Variants in ABCG8 observed in about 807,000 individuals in gnomAD.
ABCG8 encodes the protein ATP-binding cassette sub-family G member 8.
A neutral mutation model predicts 71.3 loss-of-function variants in ABCG8; 81 were observed. The ratio of observed to expected loss-of-function variants is 1.14; its 90% CI spans 0.95 to 1.37. The LOEUF (loss-of-function observed/expected upper bound fraction) is 1.37. Ranked by LOEUF, ABCG8 falls within the 40% of genes most tolerant of loss-of-function variation. ABCG8 has a pLI of 0.00. For missense variants in ABCG8, 1,119 were observed against 866.2 expected, an observed-to-expected ratio of 1.29 and a Z score of -3.66; for synonymous variants, 451 against 354.7, an observed-to-expected ratio of 1.27 and a Z score of -3.05.
intron 1 of ABCG8, among the ~76,000 whole-genome samples, chr2:43,840,463 G>A (rs1668543320): frequency 6.6e-6 from 1 of 152,274 alleles, no homozygotes; most frequent in South Asian, 2.1e-4. Flanking sequence ...ATGCACGCAG[G>A]CCCTGCCATT....
At chr2:43,864,638 A>G (rs1461917960) in intron 6 of ABCG8, among the ~76,000 whole-genome samples, 4 of 151,892 alleles carry the variant, frequency 2.6e-5, no homozygotes, top group African/African-American at 9.6e-5. Context: ...CTATGTGGAT[A>G]GAGCTCTCAC....
intron 3 of ABCG8, chr2:43,847,185 G>A (rs1668771304): frequency 6.6e-6 from 1 of 152,158 alleles, no homozygotes; most frequent in Admixed American, 6.5e-5. Context: ...GCTGGAGAGA[G>A]CATTTTATAT....
At chr2:43,873,717 T>G in intron 8 of ABCG8, 70 bp from the exon 9 acceptor site, 1 of 1,510,328 alleles carries the variant, frequency 6.6e-7, no homozygotes, top group Non-Finnish European at 9.2e-7. Context: ...TTATGGAGAC[T>G]GTGACATTCC....
chr2:43,864,688 C>T (rs1222159288), intron 6 of ABCG8, among the ~76,000 whole-genome samples: 1 of 151,870 alleles, frequency 6.6e-6, no homozygotes, highest in Non-Finnish European at 1.5e-5. Flanking sequence ...AGAACTCTCA[C>T]TATCTATCTG....
chr2:43,851,316 C>A (rs1004278165), intron 3 of ABCG8, among the ~76,000 whole-genome samples: 6 of 152,224 alleles, frequency 3.9e-5, no homozygotes, highest in Admixed American at 3.3e-4. Context: ...TGTCAGGCCA[C>A]CACTGGCTGG....
chr2:43,855,362 A>ATT, intron 6 of ABCG8, among the ~76,000 whole-genome samples: 1 of 152,076 alleles, frequency 6.6e-6, no homozygotes, highest in South Asian at 2.1e-4. Flanking sequence ...CACTCTCTGG[A>ATT]TAGATCTCTT....
At chr2:43,840,925 A>T (rs1415118020) in intron 1 of ABCG8, among the ~76,000 whole-genome samples, 2 of 152,116 alleles carry the variant, frequency 1.3e-5, no homozygotes, top group African/African-American at 4.8e-5. Context: ...AGGTGTACAG[A>T]CCCTGGGGAT....
Position 43,872,116 on chromosome 2 carries a change from G to A in ABCG8, c.1105G>A (p.Asp369Asn). 6.2e-7 allele frequency: 1 copy of A among 1,614,126 alleles called. No individual in the cohort carries two copies. Residue 369 changes from aspartate to asparagine, a missense_variant, in exon 7 of 13, where the codon GAC (aspartate) becomes AAC (asparagine). Transcript: ENST00000272286. ...FLWKAETKDL[D>N]EDTCVESSVT... ...ATGGAAAGCAGAGACGAAGGATCTT[G>A]ACGAGGACACCTGTGTGGAAAGGTA...
rs1019513489 is a variant in ABCG8 at position 43,875,112 on chromosome 2, G to C, written c.1489-34G>C. On this transcript the variant is annotated intron_variant, in intron 10 of 12. Coordinates refer to ENST00000272286, the MANE Select transcript of ABCG8 (RefSeq NM_022437.3). Reference sequence around the variant, plus strand: ...TTATAATAATGGCAGTGAAGGTGCTGGCTTCATATCCTTGCAAGGGCTGTT... The same window carrying C: ...TTATAATAATGGCAGTGAAGGTGCTCGCTTCATATCCTTGCAAGGGCTGTT... 4.3e-6 allele frequency: 7 copies of C among 1,613,928 alleles called. No homozygotes were observed. In the Admixed American group the frequency reaches 1.0e-4, roughly 23 times the overall value.
At chr2:43,867,545 C>T (rs1669573622) in intron 6 of ABCG8, among the ~76,000 whole-genome samples, 1 of 151,544 alleles carries the variant, frequency 6.6e-6, no homozygotes, top group Non-Finnish European at 1.5e-5. Flanking sequence ...CTGCATGGAA[C>T]TCTCACTATC....
intron 1 of ABCG8, among the ~76,000 whole-genome samples, chr2:43,841,530 C>T (rs773290873): frequency 8.5e-5 from 13 of 152,272 alleles, no homozygotes; most frequent in Middle Eastern, 3.4e-3. Flanking sequence ...GAACAGAGGT[C>T]GTCCCCAACC....
In ABCG8 at chr2:43,877,830, G is replaced by C. The variant is rs1286838316; in HGVS notation, c.1939G>C (p.Val647Leu). Reference protein sequence around the residue: ...SYPLYAIYLIVIGLSGGFMVL... With the variant: ...SYPLYAIYLILIGLSGGFMVL... ...CCCTCTCTACGCCATCTACCTCATC[G>C]TCATTGGCCTCAGCGGTGGCTTCAT... Residue 647 changes from valine (V) to leucine (L), a missense_variant, in exon 13 of 13, where the codon GTC (valine) becomes CTC (leucine). By Grantham distance (32) the Val-to-Leu change is conservative. Transcript: ENST00000272286. 5 of 1,613,986 alleles carry C rather than the reference G, an allele frequency of 3.1e-6. No homozygotes were observed. The highest frequency in any genetic ancestry group is 1.3e-5 in the African/African-American group (1 of 74,872).
intron 6 of ABCG8, among the ~76,000 whole-genome samples, chr2:43,861,321 ACTAT>A (rs1264213128): frequency 6.6e-6 from 1 of 151,142 alleles, no homozygotes; most frequent in Non-Finnish European, 1.5e-5. Context: ...TAGAATTCTC[ACTAT>A]CTATCTGGAT....
chr2:43,865,652 A>T (rs950929955), intron 6 of ABCG8, among the ~76,000 whole-genome samples: 4 of 147,012 alleles, frequency 2.7e-5, no homozygotes, highest in Non-Finnish European at 1.5e-5. Context: ...TAGAACTCTC[A>T]CTCTCTCTCT....
chr2:43,851,621 C>A lies in ABCG8; in HGVS notation c.360C>A (p.Gly120=). 1 of 1,614,220 alleles carries A rather than the reference C, an allele frequency of 6.2e-7. No homozygotes were observed. Among genetic ancestry groups the A allele is most frequent in the East Asian group, 2.2e-5 (1 of 44,880 alleles). Residue 120 remains glycine (G), a synonymous_variant, in exon 4 of 13, where the codon GGC becomes GGA. Transcript: ENST00000272286. ...GRASLLDVIT[G]RGHGGKIKSG... ...CCTCCTTGCTAGATGTGATCACTGG[C>A]CGAGGTCACGGCGGCAAGATCAAGT...
At chr2:43,874,303 C>A in intron 9 of ABCG8, 104 bp from the exon 10 acceptor site, 2 of 1,043,226 alleles carry the variant, frequency 1.9e-6, no homozygotes, top group South Asian at 1.3e-5. Flanking sequence ...GAGACTTGGG[C>A]AATATGATAA....
At chr2:43,863,189 A>G (rs543955914) in intron 6 of ABCG8, among the ~76,000 whole-genome samples, 2 of 149,990 alleles carry the variant, frequency 1.3e-5, no homozygotes, top group Admixed American at 6.6e-5. Flanking sequence ...AACTCTCACT[A>G]CCTATCTGGA....
At chr2:43,873,240 G>C (rs965864018) in intron 8 of ABCG8, among the ~76,000 whole-genome samples, 2 of 151,030 alleles carry the variant, frequency 1.3e-5, no homozygotes, top group Non-Finnish European at 2.9e-5. Context: ...CCAGGCTGGA[G>C]TGCACTAGGG....
chr2:43,840,720 C>T (rs200599632), intron 1 of ABCG8, among the ~76,000 whole-genome samples: 6 of 152,262 alleles, frequency 3.9e-5, no homozygotes, highest in African/African-American at 7.2e-5. Flanking sequence ...GGCTAGAATG[C>T]GCTGGTACGG....
Sources: allele counts gnomAD v4.1 joint callset (sites outside exome capture counted in the v4.1 genomes callset), GRCh38; gene constraint gnomAD v4.1.1; transcripts MANE v1.5; gene names NCBI Gene and HGNC (gene_info 2026-07-23, HGNC 2026-07-21).